HCFC1: variants seen among roughly 807,000 people sequenced by gnomAD.
HCFC1 encodes the protein host cell factor C1.
Under a neutral mutation model 105.5 loss-of-function variants are expected in HCFC1, and 7 were observed. The ratio of observed to expected loss-of-function variants is 0.07; its 90% confidence interval spans 0.04 to 0.12. The LOEUF (loss-of-function observed/expected upper bound fraction) is 0.12. HCFC1 is among the 10% of genes least tolerant of loss of function. The probability of loss-of-function intolerance (pLI) is 1.00; values close to 1 mark genes in which losing one functional copy is unlikely to be tolerated. For synonymous variants in HCFC1, 918 were observed against 828.1 expected (o/e 1.11, Z -1.86); for missense variants, 1,065 against 1,823.6 (o/e 0.58, Z 7.58).
At chrX:153,953,574 G>A in intron 18 of HCFC1, 33 bp downstream of exon 18, 1 of 1,193,070 alleles carries the variant, frequency 8.4e-7, no homozygotes, top group Non-Finnish European at 1.1e-6. Flanking sequence ...AGGCCGGGAA[G>A]GCGGGGAAGA....
chrX:153,971,661 C>G lies in HCFC1; in HGVS notation c.-821G>C, dbSNP rs1000646328. 1 of 297,354 alleles carries G rather than the reference C, an allele frequency of 3.4e-6. No individual in the cohort carries two copies. The highest frequency in any genetic ancestry group is 5.9e-6 in the Non-Finnish European group (1 of 169,962). 24.5% of individuals were successfully genotyped at this position (297,354 alleles called of 1,213,427 possible). On this transcript the variant is annotated 5_prime_UTR_variant, in exon 1 of 26. Coordinates refer to ENST00000310441, the MANE Select transcript of HCFC1 (RefSeq NM_005334.3). ...CAGTTCTTCCACTGCACACCAAACTCAAGGCGGTGTCCGATCCTCACTTCC... is the reference window on the plus strand; with the variant it reads ...CAGTTCTTCCACTGCACACCAAACTGAAGGCGGTGTCCGATCCTCACTTCC...
At chrX:153,966,624 G>GCA (rs2065476366) in intron 1 of HCFC1, among the ~76,000 whole-genome samples, 2 of 112,422 alleles carry the variant, frequency 1.8e-5, no homozygotes, top group Admixed American at 9.3e-5. Context: ...CGAGACCTAA[G>GCA]GCTGCCTGGG....
intron 4 of HCFC1, 142 bp downstream of exon 4, chrX:153,963,083 C>A (rs1380470185): frequency 2.0e-6 from 1 of 500,331 alleles, no homozygotes; most frequent in Non-Finnish European, 3.5e-6. Flanking sequence ...CCTGGCCCAC[C>A]ATGACAAGAG....
At chrX:153,961,443 C>T (rs1391800023) in intron 6 of HCFC1, 99 bp downstream of exon 6, 11 of 533,519 alleles carry the variant, frequency 2.1e-5, no homozygotes, top group Non-Finnish European at 3.5e-5. Context: ...GAGCCGGGGG[C>T]CCAGCTTGCT....
At chrX:153,962,070 G>A (rs1603297741) in intron 5 of HCFC1, 152 bp downstream of exon 5, 3 of 463,036 alleles carry the variant, frequency 6.5e-6, no homozygotes, top group Non-Finnish European at 7.6e-6. Context: ...CCCCAGGGTC[G>A]TAATGGAAAA....
chrX:153,954,051 G>A lies in HCFC1; in HGVS notation c.4333+15C>T, dbSNP rs2065343059. 8.5e-7 allele frequency: 1 copy of A among 1,180,758 alleles called. No homozygotes were observed. The highest frequency in any genetic ancestry group is 1.1e-6 in the Non-Finnish European group (1 of 876,382). On this transcript the variant is annotated intron_variant, in intron 17 of 25. Coordinates refer to ENST00000310441, the MANE Select transcript of HCFC1 (RefSeq NM_005334.3). ...CTGGGAGACCATGAAAGCCAGGCTG[G>A]CCACCTTCACTTACCTTGGTTTGAA... is the stretch of plus-strand genomic sequence containing the variant.
intron 1 of HCFC1, among the ~76,000 whole-genome samples, chrX:153,970,351 C>A (rs2065515740): frequency 1.0e-5 from 1 of 100,134 alleles, no homozygotes; most frequent in Non-Finnish European, 2.0e-5. Flanking sequence ...ACGGGAGAGA[C>A]AAGGGAACGG....
Position 153,948,661 on chromosome X carries a change from G to A in HCFC1, c.*686C>T, listed in dbSNP as rs782795993. The A allele has an allele frequency of 6.4e-4, 72 of 113,206 alleles. No individual in the cohort carries two copies. Among genetic ancestry groups the A allele is most frequent in the African/African-American group, 2.3e-3 (71 of 31,173 alleles). 9.3% of individuals were successfully genotyped at this position (113,206 alleles called of 1,213,427 possible). A position where few individuals can be genotyped will look rare whatever the true frequency, so the allele number is the denominator to read the frequency against. ...AACACAACAAATGCAGCAGTTGGCA[G>A]TGCGGCCTGCAGGGAGGTCTGCACA... On this transcript the variant is annotated 3_prime_UTR_variant, in exon 26 of 26. Transcript: ENST00000310441.
In HCFC1 at chrX:153,964,233, G is replaced by C. The variant is rs1337534057; in HGVS notation, c.394C>G (p.Pro132Ala). 1 of 1,200,029 alleles carries C rather than the reference G, an allele frequency of 8.3e-7. No individual in the cohort carries two copies. The highest frequency in any genetic ancestry group is 1.1e-6 in the Non-Finnish European group (1 of 889,339). ...TGCCCGAGTCGAGGACACGGAGGGG[G>C]CCCGTTTTTGGGCGTCTTTGCTTTG... is the stretch of plus-strand genomic sequence containing the variant. ...RLKAKTPKNG[P>A]PPCPRLGHSF... The change falls in exon 3 of 26, where the codon CCC (proline) becomes GCC (alanine). Residue 132 changes from proline to alanine, a missense_variant. Physicochemically the swap from Pro to Ala is conservative, Grantham distance 27. This residue lies in a region of HCFC1 where 38 missense variants were observed against 190.1 expected (regional missense o/e 0.20). Coordinates refer to ENST00000310441, the MANE Select transcript of HCFC1 (RefSeq NM_005334.3).
chrX:153,953,086 A>G, intron 18 of HCFC1, 128 bp from the exon 19 acceptor site: 5 of 572,677 alleles, frequency 8.7e-6, no homozygotes, highest in Non-Finnish European at 1.5e-5. Flanking sequence ...CATTGATGAG[A>G]TCTTCTAGAA....
In HCFC1 at chrX:153,954,804, G is replaced by A. The variant is rs2065356120; in HGVS notation, c.3595C>T (p.Arg1199Trp). 1.7e-6 allele frequency: 2 copies of A among 1,163,473 alleles called. No homozygotes were observed. The highest frequency in any genetic ancestry group is 2.3e-6 in the Non-Finnish European group (2 of 873,196). ...GCAGGGCTGCGGCCCCCGGGCTCCCGTGCCATGCTCGGCCCAAGGAGTGGG... is the reference window on the plus strand; with the variant it reads ...GCAGGGCTGCGGCCCCCGGGCTCCCATGCCATGCTCGGCCCAAGGAGTGGG... Reference protein sequence around the residue: ...AGPLLGPSMAREPGGRSPAFV... With the variant: ...AGPLLGPSMAWEPGGRSPAFV... The change falls in exon 17 of 26, where the codon CGG becomes TGG. Residue 1199 changes from arginine to tryptophan, a missense_variant. Arg to Trp is a moderately radical substitution (Grantham distance 101, BLOSUM62 -3). Transcript: ENST00000310441.
In HCFC1 at chrX:153,960,302, C is replaced by T. The variant is rs1557116449; in HGVS notation, c.1017G>A (p.Gly339=). The stretch of plus-strand genomic sequence containing the variant: ...TCCAGGCCTTGCGGTAGCCGTCACG[C>T]CCACTCCAAATGTACAGGCGGGTGT... The part of the protein sequence containing the change: ...AINTRLYIWS[G]RDGYRKAWNN... Residue 339 remains glycine, a synonymous_variant, in exon 7 of 26, where the codon GGG becomes GGA. Transcript: ENST00000310441. The T allele has an allele frequency of 1.7e-6, 2 of 1,205,112 alleles. No individual in the cohort carries two copies. The highest frequency in any genetic ancestry group is 2.2e-6 in the Non-Finnish European group (2 of 892,100).
At position 153,948,990 on chromosome X, in the gene HCFC1, GC is replaced by G. The variant is rs1391499913; in HGVS notation, c.*356del. The stretch of plus-strand genomic sequence containing the variant: ...GACGCCTTTCCTCCCCTCCATGCCT[GC>G]CCCCGACCTGGCCCTCAGGAACGCA... On this transcript the variant is annotated 3_prime_UTR_variant, in exon 26 of 26. Coordinates refer to ENST00000310441, the MANE Select transcript of HCFC1 (RefSeq NM_005334.3). 7.4e-6 allele frequency: 1 copy of G among 135,169 alleles called. No homozygotes were observed. The highest frequency in any genetic ancestry group is 3.2e-5 in the African/African-American group (1 of 30,813). The allele number at this position is 135,169 out of a possible 1,213,427, so 11.1% of individuals were successfully genotyped here. A position where few individuals can be genotyped will look rare whatever the true frequency, so the allele number is the denominator to read the frequency against.
chrX:153,971,206 C>T lies in HCFC1; in HGVS notation c.-366G>A, dbSNP rs782003935. 228 of 313,124 alleles carry T rather than the reference C, an allele frequency of 7.3e-4. 1 individual carries two copies. Among genetic ancestry groups the T allele is most frequent in the Admixed American group, 1.2e-3 (19 of 16,476 alleles). 25.8% of individuals were successfully genotyped at this position (313,124 alleles called of 1,213,427 possible). A position where few individuals can be genotyped will look rare whatever the true frequency, so the allele number is the denominator to read the frequency against. ...GCCTCTCTCTCCTCCCTTCCTCAGT[C>T]GTAGCCCTCCCCCGCCGGAAATGGC... On this transcript the variant is annotated 5_prime_UTR_variant, in exon 1 of 26. Coordinates refer to ENST00000310441, the MANE Select transcript of HCFC1 (RefSeq NM_005334.3).
intron 1 of HCFC1, chrX:153,970,221 C>T (rs2065514053): frequency 8.8e-6 from 1 of 113,921 alleles, no homozygotes; most frequent in African/African-American, 3.4e-5. Context: ...CGCCCCAGCC[C>T]CAGCCCCAGC....
At position 153,960,388 on chromosome X, in the gene HCFC1, T is replaced by C. The variant is rs2065418455; in HGVS notation, c.931A>G (p.Met311Val). 1.7e-6 allele frequency: 2 copies of C among 1,200,246 alleles called. No homozygotes were observed. The highest frequency in any genetic ancestry group is 2.3e-6 in the Non-Finnish European group (2 of 888,575). The change falls in exon 7 of 26, where the codon ATG becomes GTG. Residue 311 changes from methionine (M) to valine (V), a missense_variant. Around this residue, in one of 17 missense-constraint regions of HCFC1, gnomAD observed 18 missense variants for 40.1 expected, o/e 0.45. Coordinates refer to ENST00000310441, the MANE Select transcript of HCFC1 (RefSeq NM_005334.3). ...LDTMAWETIL[M>V]DTLEDNIPRA... ...GGGATGTTGTCCTCCAGTGTATCCA[T>C]CAGGATGGTCTCCCAGGCCATGGTA...
Position 153,962,290 on chromosome X carries a change from A to G in HCFC1, c.729T>C (p.Asn243=), listed in dbSNP as rs1311000469. The G allele has an allele frequency of 1.7e-6, 2 of 1,207,724 alleles. No individual in the cohort carries two copies. The highest frequency in any genetic ancestry group is 3.0e-5 in the East Asian group (1 of 33,827). ...GCGCCACCCCGCTGAGACTGGGCTT[A>G]TTCCACGTCAGGGTGTCTGCAGAGA... is the stretch of plus-strand genomic sequence containing the variant. The part of the protein sequence containing the change: ...WTLDIDTLTW[N]KPSLSGVAPL... Residue 243 remains asparagine (N), a synonymous_variant, in exon 5 of 26, where the codon AAT becomes AAC. Coordinates refer to ENST00000310441, the MANE Select transcript of HCFC1 (RefSeq NM_005334.3).
chrX:153,964,132 G>A lies in HCFC1; in HGVS notation c.495C>T (p.Asn165=). 3 of 1,201,725 alleles carry A rather than the reference G, an allele frequency of 2.5e-6. No individual in the cohort carries two copies. The highest frequency in any genetic ancestry group is 3.4e-6 in the Non-Finnish European group (3 of 889,269). The change falls in exon 3 of 26, where the codon AAC becomes AAT. Residue 165 remains asparagine (N), a synonymous_variant. Transcript: ENST00000310441. The part of the protein sequence containing the change: ...LANDSEDPKN[N]IPRYLNDLYI... ...AAAGGACCAAGCCTCACCTTGGAAT[G>A]TTGTTCTTTGGGTCCTCGCTATCAT...
At chrX:153,958,865 T>G in intron 9 of HCFC1, 99 bp from the exon 10 acceptor site, 1 of 626,965 alleles carries the variant, frequency 1.6e-6, no homozygotes, top group Non-Finnish European at 2.3e-6. Flanking sequence ...GCCCTGCTCT[T>G]GGGAGCCTCA....
Sources: gnomAD v4.1 joint callset for allele counts (sites outside exome capture counted in the v4.1 genomes callset) on GRCh38, gnomAD v4.1.1 for gene constraint, gnomAD v4.1.1 regional missense constraint, MANE v1.5 for transcripts, NCBI Gene and HGNC (gene_info 2026-07-23, HGNC 2026-07-21) for gene names.